The following ARHGEF28 variants were observed in gnomAD, a reference collection of about 807,000 sequenced individuals.
ARHGEF28 encodes the protein 190 kDa guanine nucleotide exchange factor.
A neutral mutation model predicts 206.6 loss-of-function variants in ARHGEF28; 152 were observed. The observed-to-expected ratio is 0.74, with a 90% CI of 0.64 to 0.84. The LOEUF (loss-of-function observed/expected upper bound fraction) is 0.84. Among genes scored for constraint, ARHGEF28 ranks in the 40% least tolerant of loss-of-function variants. The pLI is 0.00. For synonymous variants in ARHGEF28, 763 were observed against 776.4 expected (o/e 0.98, Z 0.29); for missense variants, 2,028 against 2,073.2 (o/e 0.98, Z 0.42).
chr5:73,656,953 G>A (rs892926636), intron 1 of ARHGEF28, among the ~76,000 whole-genome samples: 7 of 151,958 alleles, frequency 4.6e-5, no homozygotes, highest in Admixed American at 1.3e-4. Flanking sequence ...GGTGGATCAC[G>A]AGGTCAGGAG....
intron 35 of ARHGEF28, among the ~76,000 whole-genome samples, chr5:73,931,988 C>T (rs561513535): frequency 3.0e-4 from 46 of 152,280 alleles, no homozygotes; most frequent in African/African-American, 1.0e-3. Context: ...ATTTATAGAT[C>T]ACCTTGAAAT....
intron 16 of ARHGEF28, among the ~76,000 whole-genome samples, chr5:73,862,500 C>T (rs1166382040): frequency 6.6e-6 from 1 of 152,022 alleles, no homozygotes; most frequent in African/African-American, 2.4e-5. Context: ...TTTATAGGTC[C>T]TTGCTCTTTT....
intron 5 of ARHGEF28, among the ~76,000 whole-genome samples, chr5:73,776,067 T>C (rs1481270930): frequency 6.6e-6 from 1 of 152,210 alleles, no homozygotes; most frequent in African/African-American, 2.4e-5. Context: ...ATCTCACTTA[T>C]TTATGACATC....
intron 1 of ARHGEF28, among the ~76,000 whole-genome samples, chr5:73,646,476 C>A (rs911613667): frequency 3.9e-5 from 6 of 152,160 alleles, no homozygotes; most frequent in Non-Finnish European, 7.3e-5. Context: ...GCAGCATGTT[C>A]CTTGGTGTTC....
rs544367201 is a variant in ARHGEF28, at chr5:73,715,700, T to C, written c.33+30816T>C. Among the ~76,000 whole-genome samples, 5 of 152,312 alleles carry C rather than the reference T, an allele frequency of 3.3e-5. No individual in the cohort carries two copies. In the South Asian group the frequency reaches 1.0e-3, roughly 32 times the overall value. On this transcript the variant is annotated intron_variant, in intron 2 of 35. Transcript: ENST00000513042. ...GCTCATAGCACATCCAAAGTATAAT[T>C]ATGTGTTGGATAGAAGATGCCAGGT... is the stretch of plus-strand genomic sequence containing the variant.
chr5:73,813,380 T>G (rs1324052995), intron 9 of ARHGEF28: 1 of 1,021,942 alleles, frequency 9.8e-7, no homozygotes, highest in Non-Finnish European at 1.3e-6. Context: ...GCTTTAATAT[T>G]TACAGCCTCC....
At chr5:73,675,750 A>AG (rs1746620985) in intron 1 of ARHGEF28, among the ~76,000 whole-genome samples, 1 of 151,242 alleles carries the variant, frequency 6.6e-6, no homozygotes, top group Non-Finnish European at 1.5e-5. Context: ...AAAAAAAAAA[A>AG]AAAAGAAAAT....
chr5:73,630,596 ATGTCAG>A (rs1304952300), intron 1 of ARHGEF28, among the ~76,000 whole-genome samples: 1 of 152,196 alleles, frequency 6.6e-6, no homozygotes, highest in Non-Finnish European at 1.5e-5. Flanking sequence ...AGGTAGTGAG[ATGTCAG>A]TGTGACCCCA....
chr5:73,645,246 G>A (rs188297365), intron 1 of ARHGEF28, among the ~76,000 whole-genome samples: 1 of 152,244 alleles, frequency 6.6e-6, no homozygotes, highest in East Asian at 1.9e-4. Context: ...ATACTCCTGA[G>A]CTTAAGCAAT....
chr5:73,840,436 C>G, intron 10 of ARHGEF28, 44 bp from the exon 11 acceptor site: 1 of 1,586,240 alleles, frequency 6.3e-7, no homozygotes. Context: ...CTAGGCCAAT[C>G]TTACCTGCTT....
chr5:73,774,677 A>G lies in ARHGEF28; in HGVS notation c.659+639A>G, dbSNP rs181236296. Among the ~76,000 whole-genome samples the G allele has an allele frequency of 1.2e-4, 18 of 152,370 alleles. No individual in the cohort carries two copies. The East Asian group carries it at 2.7e-3, about 23-fold the overall frequency. On this transcript the variant is annotated intron_variant, in intron 5 of 35. Transcript: ENST00000513042. The stretch of plus-strand genomic sequence containing the variant: ...TGTTAATGAGGGTATCAACACTTCC[A>G]GTGAATAATGAGTGTATTGTTGGTT...
At chr5:73,626,626 C>T (rs371658800) in intron 1 of ARHGEF28, among the ~76,000 whole-genome samples, 22 of 152,262 alleles carry the variant, frequency 1.4e-4, no homozygotes, top group African/African-American at 5.1e-4. Context: ...GAAAGCCCCG[C>T]CAGTGTCCTT....
At chr5:73,917,429 C>CT (rs1478244333) in intron 35 of ARHGEF28, among the ~76,000 whole-genome samples, 1 of 152,214 alleles carries the variant, frequency 6.6e-6, no homozygotes, top group African/African-American at 2.4e-5. Flanking sequence ...AGATGATTGA[C>CT]TTTAGCCTTT....
chr5:73,884,711 A>G (rs921037050), intron 24 of ARHGEF28, among the ~76,000 whole-genome samples: 2 of 152,180 alleles, frequency 1.3e-5, no homozygotes, highest in African/African-American at 4.8e-5. Context: ...ACGAAATGAC[A>G]TGAAACATTA....
At chr5:73,723,444 C>G (rs1750084805) in intron 2 of ARHGEF28, among the ~76,000 whole-genome samples, 2 of 152,214 alleles carry the variant, frequency 1.3e-5, no homozygotes, top group African/African-American at 4.8e-5. Context: ...CCTTGGCCTC[C>G]CAAAGTGTTG....
intron 10 of ARHGEF28, among the ~76,000 whole-genome samples, chr5:73,838,939 C>T (rs1206670579): frequency 6.6e-6 from 1 of 152,198 alleles, no homozygotes; most frequent in African/African-American, 2.4e-5. Context: ...TCTCTGTAGT[C>T]TCCTTTAATC....
At chr5:73,832,743 GA>G (rs1331580396) in intron 10 of ARHGEF28, among the ~76,000 whole-genome samples, 3 of 152,104 alleles carry the variant, frequency 2.0e-5, no homozygotes, top group African/African-American at 7.2e-5. Context: ...GCCCAAGTAG[GA>G]AATGACAACT....
intron 1 of ARHGEF28, among the ~76,000 whole-genome samples, chr5:73,663,203 A>C (rs970218964): frequency 1.3e-5 from 2 of 152,136 alleles, no homozygotes; most frequent in African/African-American, 4.8e-5. Context: ...TGATCCGCCC[A>C]CCTCGGCCTC....
chr5:73,834,879 C>T (rs1451787916), intron 10 of ARHGEF28, among the ~76,000 whole-genome samples: 1 of 152,114 alleles, frequency 6.6e-6, no homozygotes, highest in Admixed American at 6.5e-5. Context: ...GCAAGATAAA[C>T]TAAGGATGCA....
Sources: gnomAD v4.1 joint callset for allele counts (sites outside exome capture counted in the v4.1 genomes callset) on GRCh38, gnomAD v4.1.1 for gene constraint, MANE v1.5 for transcripts, NCBI Gene and HGNC (gene_info 2026-07-23, HGNC 2026-07-21) for gene names.